MACO1: variants seen among roughly 807,000 people sequenced by gnomAD.
MACO1 encodes macoilin.
A neutral mutation model predicts 78.7 loss-of-function variants in MACO1; 14 were observed. That is an observed-to-expected ratio of 0.18 (90% CI 0.12 to 0.28). MACO1 has a LOEUF of 0.28. Among genes scored for constraint, MACO1 ranks in the 10% least tolerant of loss-of-function variants. MACO1 has a pLI of 1.00. For missense variants in MACO1, 501 were observed against 799.0 expected, an observed-to-expected ratio of 0.63 and a Z score of 4.50; for synonymous variants, 288 against 291.6, an observed-to-expected ratio of 0.99 and a Z score of 0.12.
chr1:25,480,860 G>C (rs1320112785), intron 6 of MACO1, among the ~76,000 whole-genome samples: 2 of 146,208 alleles, frequency 1.4e-5, no homozygotes, highest in Admixed American at 1.4e-4. Flanking sequence ...GAACCCAGGA[G>C]GGGGAGATTG....
chr1:25,500,021 T>C lies in MACO1; in HGVS notation c.*1555T>C, dbSNP rs1184618634. ...TCTTGTGTAATTGTCACCATGAAAGTGTTACTCAGAATTGTCATAGATTTT... is the reference window on the plus strand; with the variant it reads ...TCTTGTGTAATTGTCACCATGAAAGCGTTACTCAGAATTGTCATAGATTTT... On this transcript the variant is annotated 3_prime_UTR_variant, in exon 11 of 11. Transcript: ENST00000374343. 6.6e-6 allele frequency: 1 copy of C among 152,172 alleles called. No individual in the cohort carries two copies. The highest frequency in any genetic ancestry group is 2.4e-5 in the African/African-American group (1 of 41,456). 9.4% of individuals were successfully genotyped at this position (152,172 alleles called of 1,614,324 possible). A position where few individuals can be genotyped will look rare whatever the true frequency, so the allele number is the denominator to read the frequency against.
chr1:25,482,984 A>G (rs1427575694), intron 6 of MACO1, among the ~76,000 whole-genome samples: 3 of 152,130 alleles, frequency 2.0e-5, no homozygotes, highest in South Asian at 4.1e-4. Flanking sequence ...CTTGGTTCCT[A>G]TTTCTTTGTT....
chr1:25,446,526 T>C (rs2043016689), intron 1 of MACO1, among the ~76,000 whole-genome samples: 1 of 152,212 alleles, frequency 6.6e-6, no homozygotes, highest in African/African-American at 2.4e-5. Context: ...CCATCTTAAG[T>C]AGAATTAAGC....
Position 25,491,564 on chromosome 1 carries a change from G to T in MACO1, c.1772G>T (p.Arg591Leu). 1 of 1,614,140 alleles carries T rather than the reference G, an allele frequency of 6.2e-7. No individual in the cohort carries two copies. Among genetic ancestry groups the T allele is most frequent in the Non-Finnish European group, 8.5e-7 (1 of 1,179,992 alleles). ...DLFSALGDAK[R>L]QLEIAQGQIL... is the part of the protein sequence containing the mutation. ...TTCTCCGCACTGGGCGATGCAAAGC[G>T]GCAGCTCGAGATTGCCCAAGGTAGG... The change falls in exon 10 of 11, where the codon CGG (arginine) becomes CTG (leucine). Residue 591 changes from arginine to leucine, a missense_variant. Physicochemically the swap from Arg to Leu is moderately radical, Grantham distance 102. Around this residue, in one of 5 missense-constraint regions of MACO1, gnomAD observed 66 missense variants for 101.6 expected, o/e 0.65. Coordinates refer to ENST00000374343, the MANE Select transcript of MACO1 (RefSeq NM_018202.6).
intron 4 of MACO1, among the ~76,000 whole-genome samples, chr1:25,455,137 T>C (rs2043108558): frequency 6.6e-6 from 1 of 152,268 alleles, no homozygotes; most frequent in Non-Finnish European, 1.5e-5. Flanking sequence ...TGATGAAATA[T>C]ATGGCTAATT....
chr1:25,488,535 C>T (rs1283307310), intron 8 of MACO1, among the ~76,000 whole-genome samples: 2 of 151,878 alleles, frequency 1.3e-5, no homozygotes. Context: ...ACTTTGTCAC[C>T]CAGGCTAACG....
At chr1:25,448,628 G>A (rs940856802) in intron 2 of MACO1, among the ~76,000 whole-genome samples, 180 bp from the exon 3 acceptor site, 8 of 152,018 alleles carry the variant, frequency 5.3e-5, no homozygotes, top group South Asian at 2.1e-4. Flanking sequence ...TAAAGTAACC[G>A]CTACTTTTTA....
chr1:25,431,816 G>A (rs768717766), intron 1 of MACO1, among the ~76,000 whole-genome samples: 3 of 152,216 alleles, frequency 2.0e-5, no homozygotes, highest in Admixed American at 6.5e-5. Context: ...TCCAGATTCG[G>A]AAGGGTCTGA....
At chr1:25,493,372 C>T (rs1449049407) in intron 10 of MACO1, among the ~76,000 whole-genome samples, 1 of 151,928 alleles carries the variant, frequency 6.6e-6, no homozygotes, top group Non-Finnish European at 1.5e-5. Flanking sequence ...TCCCTAGTAG[C>T]TATGACTATA....
At chr1:25,477,192 A>T (rs2043327939) in intron 6 of MACO1, among the ~76,000 whole-genome samples, 1 of 152,176 alleles carries the variant, frequency 6.6e-6, no homozygotes, top group Non-Finnish European at 1.5e-5. Context: ...AGGAGAAGAG[A>T]TATTGGGCAC....
chr1:25,459,397 A>G lies in MACO1; in HGVS notation c.1154+505A>G, dbSNP rs111812673. ...TAACTCTGGGAAAGTTAGATTTGAA[A>G]AGCAATCTCTTTCACAAAAATCCAT... On this transcript the variant is annotated intron_variant, in intron 6 of 10. Transcript: ENST00000374343. 4.6e-5 allele frequency among the ~76,000 whole-genome samples: 7 copies of G among 152,310 alleles called. 1 individual carries two copies. The highest frequency in any genetic ancestry group is 1.7e-4 in the African/African-American group (7 of 41,562).
intron 6 of MACO1, among the ~76,000 whole-genome samples, chr1:25,483,591 T>C (rs988994926): frequency 6.6e-6 from 1 of 152,230 alleles, no homozygotes; most frequent in East Asian, 1.9e-4. Context: ...TCACCAGAGT[T>C]GTGAACGTCA....
rs1343608435 is a variant in MACO1 at position 25,485,809 on chromosome 1, A to C, written c.1496+14A>C. ...TGCTGCATCTAGGTATGTCCATGTC[A>C]CCTGAGTGTTTAATCCAAGGTTGGC... On this transcript the variant is annotated intron_variant, in intron 8 of 10. Coordinates refer to ENST00000374343, the MANE Select transcript of MACO1 (RefSeq NM_018202.6). The surrounding 1 kb of genome is among the most constrained non-coding windows in gnomAD (Gnocchi z 4.3). 1.3e-6 allele frequency: 2 copies of C among 1,595,028 alleles called. No individual in the cohort carries two copies. The highest frequency in any genetic ancestry group is 1.7e-6 in the Non-Finnish European group (2 of 1,172,110).
chr1:25,492,575 G>A (rs1042019444), intron 10 of MACO1, among the ~76,000 whole-genome samples: 1 of 152,108 alleles, frequency 6.6e-6, no homozygotes, highest in Admixed American at 6.5e-5. Context: ...TGATAACGGG[G>A]AGAGTTGTCA....
chr1:25,460,645 A>G (rs541777433), intron 6 of MACO1, among the ~76,000 whole-genome samples: 1 of 152,226 alleles, frequency 6.6e-6, no homozygotes, highest in Non-Finnish European at 1.5e-5. Context: ...ATAGCGGTCA[A>G]GCTATTACTA....
In MACO1 at chr1:25,498,520, G is replaced by T. The variant is rs2043557695; in HGVS notation, c.*54G>T. 1 of 1,467,322 alleles carries T rather than the reference G, an allele frequency of 6.8e-7. No individual in the cohort carries two copies. Among genetic ancestry groups the T allele is most frequent in the African/African-American group, 1.4e-5 (1 of 70,722 alleles). 90.9% of individuals were successfully genotyped at this position (1,467,322 alleles called of 1,614,324 possible). On this transcript the variant is annotated 3_prime_UTR_variant, in exon 11 of 11. Coordinates refer to ENST00000374343, the MANE Select transcript of MACO1 (RefSeq NM_018202.6). ...TTGGTTACCGGAAGGCATTGCAAAG[G>T]AGCGTCTCTGGCAGTCAAGATAAAA...
intron 1 of MACO1, 69 bp from the exon 2 acceptor site, chr1:25,446,693 C>G: frequency 1.4e-6 from 2 of 1,432,158 alleles, no homozygotes; most frequent in African/African-American, 2.9e-5. Flanking sequence ...TAAACAGAAA[C>G]AGTGAATTTT....
chr1:25,439,414 A>G (rs2042948504), intron 1 of MACO1, among the ~76,000 whole-genome samples: 1 of 151,338 alleles, frequency 6.6e-6, no homozygotes, highest in Non-Finnish European at 1.5e-5. Flanking sequence ...ATAAACAAAC[A>G]AAAAAGGGCA....
rs142235077 is a variant in MACO1, at chr1:25,479,125, A to T, written c.1155-4991A>T. On this transcript the variant is annotated intron_variant, in intron 6 of 10. Transcript: ENST00000374343. ...TTAGTTTCAAGGCTTATAATCTATT[A>T]CTTCTGCCTCGTTTTCTTCCTGATC... 1.1e-4 allele frequency among the ~76,000 whole-genome samples: 17 copies of T among 152,286 alleles called. No homozygotes were observed. In the East Asian group the frequency reaches 1.7e-3, roughly 16 times the overall value.
Sources: allele counts gnomAD v4.1 joint callset (sites outside exome capture counted in the v4.1 genomes callset), GRCh38; gene constraint gnomAD v4.1.1; regional missense constraint gnomAD v4.1.1; non-coding constraint Gnocchi (gnomAD v3.1); transcripts MANE v1.5; gene names NCBI Gene and HGNC (gene_info 2026-07-23, HGNC 2026-07-21).